Variants in KDM6A observed in about 807,000 individuals in gnomAD.
KDM6A encodes lysine-specific demethylase 6A.
In KDM6A, 11 loss-of-function variants were observed where a neutral mutation model predicts 117.6. The ratio of observed to expected loss-of-function variants is 0.09; its 90% CI spans 0.06 to 0.15. KDM6A has a LOEUF of 0.15. Among genes scored for constraint, KDM6A ranks in the 10% least tolerant of loss-of-function variants. KDM6A has a pLI of 1.00. For synonymous variants in KDM6A, 384 were observed against 396.1 expected, an observed-to-expected ratio of 0.97 and a Z score of 0.36; for missense variants, 799 against 1,077.3, an observed-to-expected ratio of 0.74 and a Z score of 3.62.
chrX:45,040,572 C>T (rs1220869779), intron 8 of KDM6A, among the ~76,000 whole-genome samples: 5 of 69,373 alleles, frequency 7.2e-5, no homozygotes, highest in East Asian at 5.2e-4. Context: ...TAGGGGCGGC[C>T]GGGCAGAGGC....
chrX:44,891,731 A>G (rs1221673450), intron 2 of KDM6A, among the ~76,000 whole-genome samples: 3 of 111,918 alleles, frequency 2.7e-5, no homozygotes, highest in African/African-American at 9.8e-5. Context: ...CGTCCACCCT[A>G]CTGCCGTGTC....
chrX:45,016,457 G>T (rs980706912), intron 5 of KDM6A, among the ~76,000 whole-genome samples: 1 of 68,717 alleles, frequency 1.5e-5, no homozygotes, highest in Non-Finnish European at 2.6e-5. Context: ...TTTATTTTAT[G>T]TATGTATGTA....
chrX:44,964,192 G>C (rs2038884855), intron 3 of KDM6A, among the ~76,000 whole-genome samples: 1 of 108,924 alleles, frequency 9.2e-6, no homozygotes, highest in African/African-American at 3.3e-5. Context: ...GCTCACGCCT[G>C]TAATCCCAGC....
chrX:45,050,553 A>G (rs957725093), intron 8 of KDM6A, among the ~76,000 whole-genome samples: 1 of 111,854 alleles, frequency 8.9e-6, no homozygotes, highest in African/African-American at 3.3e-5. Context: ...TGAGGTTCAT[A>G]CAGCCTAGTT....
intron 27 of KDM6A, among the ~76,000 whole-genome samples, chrX:45,103,808 T>G: frequency 8.9e-6 from 1 of 111,748 alleles, no homozygotes; most frequent in Admixed American, 9.5e-5. Context: ...CCCCTGCCTT[T>G]TTGTGTAGTC....
intron 4 of KDM6A, among the ~76,000 whole-genome samples, chrX:44,985,191 A>C (rs2040145032): frequency 9.0e-6 from 1 of 110,924 alleles, no homozygotes; most frequent in Non-Finnish European, 1.9e-5. Flanking sequence ...ATGGGAGTTC[A>C]CTCATGATTT....
intron 2 of KDM6A, among the ~76,000 whole-genome samples, chrX:44,879,152 G>A (rs1179542764): frequency 8.9e-6 from 1 of 112,150 alleles, no homozygotes. Flanking sequence ...GTCTTTTTCT[G>A]ACTTAAATTA....
chrX:45,065,691 G>A (rs1273647192), intron 17 of KDM6A, among the ~76,000 whole-genome samples: 2 of 111,971 alleles, frequency 1.8e-5, no homozygotes, highest in Non-Finnish European at 3.8e-5. Context: ...TAGAAGGATG[G>A]ATGAAACTGG....
chrX:45,035,990 C>T (rs1018139063), intron 7 of KDM6A, among the ~76,000 whole-genome samples: 7 of 111,912 alleles, frequency 6.3e-5, no homozygotes, highest in East Asian at 2.8e-4. Flanking sequence ...GGAGCCACCG[C>T]GCCCGTCCGA....
intron 10 of KDM6A, among the ~76,000 whole-genome samples, chrX:45,058,087 CT>C (rs1448650686): frequency 5.4e-4 from 27 of 50,131 alleles, no homozygotes; most frequent in Non-Finnish European, 7.9e-4. Flanking sequence ...CCCCCCCCCC[CT>C]TTTTTTTTTT....
intron 5 of KDM6A, 39 bp downstream of exon 5, chrX:45,011,058 T>TA: frequency 3.0e-6 from 3 of 1,004,009 alleles, no homozygotes; most frequent in Non-Finnish European, 4.2e-6. Flanking sequence ...TCATTTTCAG[T>TA]AAATGGCTTG....
chrX:44,978,175 G>C (rs1389771750), intron 4 of KDM6A, among the ~76,000 whole-genome samples: 1 of 112,202 alleles, frequency 8.9e-6, no homozygotes, highest in Admixed American at 9.4e-5. Context: ...TTCAGTACTT[G>C]AATGGTTTAA....
At chrX:44,884,477 C>G (rs192115584) in intron 2 of KDM6A, among the ~76,000 whole-genome samples, 2 of 111,919 alleles carry the variant, frequency 1.8e-5, no homozygotes, top group East Asian at 2.8e-4. Context: ...AAGCAAGCAT[C>G]TTTCAGAGCC....
At chrX:45,079,436 T>C (rs1325163052) in intron 21 of KDM6A, 85 bp downstream of exon 21, 13 of 648,227 alleles carry the variant, frequency 2.0e-5, no homozygotes, top group Non-Finnish European at 2.7e-5. Context: ...TACTTTTATA[T>C]GCATCTCATC....
intron 2 of KDM6A, among the ~76,000 whole-genome samples, chrX:44,919,273 G>A (rs1411444907): frequency 3.6e-5 from 4 of 111,236 alleles, no homozygotes; most frequent in Non-Finnish European, 7.5e-5. Flanking sequence ...ACATTACATT[G>A]AGTTGTCATG....
Position 44,873,719 on chromosome X carries a change from G to A in KDM6A, c.161+7G>A, listed in dbSNP as rs956828001. ...CGCTCGGCGGACTGGACAGGTACGG[G>A]CCGCCGTCACTCGCCCGGTCGGCTC... On this transcript the variant is annotated splice_region_variant and intron_variant, in intron 1 of 29. Coordinates refer to ENST00000611820, the MANE Select transcript of KDM6A (RefSeq NM_001291415.2). 8.6e-7 allele frequency: 1 copy of A among 1,165,293 alleles called. No individual in the cohort carries two copies. Among genetic ancestry groups the A allele is most frequent in the Non-Finnish European group, 1.1e-6 (1 of 872,044 alleles).
At chrX:45,103,941 G>A (rs1381062357) in intron 27 of KDM6A, among the ~76,000 whole-genome samples, 2 of 111,253 alleles carry the variant, frequency 1.8e-5, no homozygotes, top group South Asian at 3.7e-4. Context: ...TAAAGTACAC[G>A]TATGCAAAAT....
chrX:44,965,452 G>A (rs141062844), intron 3 of KDM6A, among the ~76,000 whole-genome samples: 2,074 of 111,984 alleles, frequency 0.019, 26 homozygotes, highest in Middle Eastern at 0.037. Context: ...TAAAGTGAGA[G>A]ATGCGTAACT....
chrX:44,913,558 C>A (rs186750083), intron 2 of KDM6A, among the ~76,000 whole-genome samples: 1 of 110,568 alleles, frequency 9.0e-6, no homozygotes, highest in Non-Finnish European at 1.9e-5. Flanking sequence ...CCGTCTTGGC[C>A]TCCCAAAGTG....
Sources: allele counts gnomAD v4.1 joint callset (sites outside exome capture counted in the v4.1 genomes callset), GRCh38; gene constraint gnomAD v4.1.1; transcripts MANE v1.5; gene names NCBI Gene and HGNC (gene_info 2026-07-23, HGNC 2026-07-21).